The following KCNH1 variants were observed in gnomAD, a reference collection of about 807,000 sequenced individuals.
The protein encoded by KCNH1 is voltage-gated delayed rectifier potassium channel KCNH1.
In KCNH1, 27 loss-of-function variants were observed where a neutral mutation model predicts 69.2. The observed-to-expected ratio is 0.39, with a 90% CI of 0.29 to 0.54. The LOEUF is 0.54. Ranked by LOEUF, KCNH1 falls within the 20% of genes least tolerant of loss-of-function variation. The probability of loss-of-function intolerance (pLI) is 0.68; values close to 1 mark genes in which losing one functional copy is unlikely to be tolerated. For synonymous variants in KCNH1, 456 were observed against 487.7 expected, an observed-to-expected ratio of 0.93 and a Z score of 0.86; for missense variants, 798 against 1,261.6, an observed-to-expected ratio of 0.63 and a Z score of 5.57.
chr1:211,115,731 A>ATATATATATATATT (rs1691565796), intron 1 of KCNH1, among the ~76,000 whole-genome samples: 1 of 77,124 alleles, frequency 1.3e-5, no homozygotes. Context: ...ATATATATAT[A>ATATATATATATATT]CACACACACA....
At chr1:210,988,103 T>C (rs1688875863) in intron 6 of KCNH1, among the ~76,000 whole-genome samples, 1 of 152,210 alleles carries the variant, frequency 6.6e-6, no homozygotes, top group African/African-American at 2.4e-5. Flanking sequence ...TATAATCTCC[T>C]GATGTGCCAT....
chr1:211,100,334 T>C (rs897314014), intron 3 of KCNH1, among the ~76,000 whole-genome samples: 3 of 152,066 alleles, frequency 2.0e-5, no homozygotes, highest in Non-Finnish European at 4.4e-5. Flanking sequence ...TCATATTACT[T>C]CTCATGTATT....
At chr1:210,860,657 C>T in intron 7 of KCNH1, 1 of 782,046 alleles carries the variant, frequency 1.3e-6, no homozygotes, top group East Asian at 2.4e-5. Flanking sequence ...GCCTGCATTA[C>T]AGGTCTGATA....
rs1017095107 is a variant in KCNH1 at position 210,678,619 on chromosome 1, A to G, written c.*4662T>C. ...AGGACTCAATGGAAAGAGTATTAAT[A>G]TAAGGAGAAGCCCCAGAATGATGAA... On this transcript the variant is annotated 3_prime_UTR_variant, in exon 11 of 11. Coordinates refer to ENST00000271751, the MANE Select transcript of KCNH1 (RefSeq NM_172362.3). 1 of 152,360 alleles carries G rather than the reference A, an allele frequency of 6.6e-6. No individual in the cohort carries two copies. Among genetic ancestry groups the G allele is most frequent in the Non-Finnish European group, 1.5e-5 (1 of 68,044 alleles). The allele number at this position is 152,360 out of a possible 1,614,324, so 9.4% of individuals were successfully genotyped here.
At chr1:210,722,001 T>A in intron 10 of KCNH1, among the ~76,000 whole-genome samples, 1 of 152,064 alleles carries the variant, frequency 6.6e-6, no homozygotes, top group Non-Finnish European at 1.5e-5. Flanking sequence ...GCCACTTCCC[T>A]CCACTGCCAA....
chr1:211,082,546 G>T (rs912945216), intron 5 of KCNH1, among the ~76,000 whole-genome samples: 2 of 152,162 alleles, frequency 1.3e-5, no homozygotes, highest in African/African-American at 4.8e-5. Flanking sequence ...TTAATCTCAA[G>T]CAAGCTGAAA....
intron 10 of KCNH1, among the ~76,000 whole-genome samples, chr1:210,696,124 G>A (rs60115516): frequency 0.14 from 21,560 of 152,146 alleles, 3,883 homozygotes; most frequent in African/African-American, 0.4. Context: ...CCCATTCTCC[G>A]GGACACAGGT....
chr1:211,121,488 T>C (rs1046315521), intron 1 of KCNH1, among the ~76,000 whole-genome samples: 4 of 152,164 alleles, frequency 2.6e-5, no homozygotes, highest in African/African-American at 9.7e-5. Flanking sequence ...TGCAGAAAAC[T>C]GAAACCAGAC....
chr1:210,760,739 G>A lies in KCNH1; in HGVS notation c.2112+14609C>T, dbSNP rs536957183. Among the ~76,000 whole-genome samples the A allele has an allele frequency of 3.9e-5, 6 of 152,246 alleles. No individual in the cohort carries two copies. The East Asian group carries it at 1.2e-3, about 29-fold the overall frequency. On this transcript the variant is annotated intron_variant, in intron 10 of 10. Coordinates refer to ENST00000271751, the MANE Select transcript of KCNH1 (RefSeq NM_172362.3). Reference sequence around the variant, plus strand: ...TGGATGGTAGCAGGCAAAGAGAGAGGGCTTGTGCAGGGAGATTCCTCTTTA... The same window carrying A: ...TGGATGGTAGCAGGCAAAGAGAGAGAGCTTGTGCAGGGAGATTCCTCTTTA...
At chr1:210,943,579 C>G (rs1405335649) in intron 6 of KCNH1, among the ~76,000 whole-genome samples, 10 of 152,084 alleles carry the variant, frequency 6.6e-5, no homozygotes, top group Non-Finnish European at 1.3e-4. Context: ...GTCTGGATCT[C>G]CTGACCTTCT....
chr1:211,061,210 A>G (rs1290660262), intron 5 of KCNH1, among the ~76,000 whole-genome samples: 1 of 152,204 alleles, frequency 6.6e-6, no homozygotes, highest in Admixed American at 6.5e-5. Flanking sequence ...CAAAAAACAT[A>G]CAATCATTTC....
Position 210,680,624 on chromosome 1 carries a change from G to C in KCNH1, c.*2657C>G, listed in dbSNP as rs1300623052. 6.6e-6 allele frequency: 1 copy of C among 152,198 alleles called. No homozygotes were observed. Among genetic ancestry groups the C allele is most frequent in the Non-Finnish European group, 1.5e-5 (1 of 68,052 alleles). The allele number at this position is 152,198 out of a possible 1,614,324, so 9.4% of individuals were successfully genotyped here. ...TCAGCACAAAGCAGCCTGCGGTCAA[G>C]TTCATGGTGCGAAAAGGAAGGGAGA... On this transcript the variant is annotated 3_prime_UTR_variant, in exon 11 of 11. Transcript: ENST00000271751.
chr1:210,804,669 A>T (rs1684497945), intron 7 of KCNH1, among the ~76,000 whole-genome samples: 1 of 152,184 alleles, frequency 6.6e-6, no homozygotes, highest in Non-Finnish European at 1.5e-5. Flanking sequence ...GATGGTGAAT[A>T]AACAGTCAGA....
At chr1:210,902,023 G>A (rs980277344) in intron 7 of KCNH1, among the ~76,000 whole-genome samples, 2 of 152,134 alleles carry the variant, frequency 1.3e-5, no homozygotes, top group African/African-American at 4.8e-5. Context: ...TAAGGATGCT[G>A]GGCTACATGT....
chr1:210,857,973 G>C (rs1021378631), intron 7 of KCNH1, among the ~76,000 whole-genome samples: 10 of 152,114 alleles, frequency 6.6e-5, no homozygotes, highest in African/African-American at 2.4e-4. Flanking sequence ...ATGAGGAAGG[G>C]GGAGTGGGTG....
chr1:210,980,353 A>C (rs1688686314), intron 6 of KCNH1, among the ~76,000 whole-genome samples: 1 of 152,214 alleles, frequency 6.6e-6, no homozygotes. Flanking sequence ...CTACATGCTG[A>C]TAACAGGATT....
At chr1:210,747,204 C>T (rs1159475502) in intron 10 of KCNH1, among the ~76,000 whole-genome samples, 2 of 152,058 alleles carry the variant, frequency 1.3e-5, no homozygotes, top group Admixed American at 6.5e-5. Flanking sequence ...TATAGTTGCC[C>T]GATTCCTGTG....
chr1:210,860,005 A>C, intron 7 of KCNH1: 2 of 1,589,896 alleles, frequency 1.3e-6, no homozygotes, highest in Non-Finnish European at 1.7e-6. Context: ...TCCACGAATA[A>C]GGGAATGCAC....
chr1:210,984,908 T>C (rs1296015180), intron 6 of KCNH1, among the ~76,000 whole-genome samples: 3 of 152,236 alleles, frequency 2.0e-5, no homozygotes, highest in Non-Finnish European at 4.4e-5. Context: ...TGAACCCATC[T>C]GGTCGTGGAC....
Sources: gnomAD v4.1 joint callset for allele counts (sites outside exome capture counted in the v4.1 genomes callset) on GRCh38, gnomAD v4.1.1 for gene constraint, MANE v1.5 for transcripts, NCBI Gene and HGNC (gene_info 2026-07-23, HGNC 2026-07-21) for gene names.